The following AIM2 variants were observed in gnomAD, a reference collection of about 807,000 sequenced individuals.
AIM2 encodes interferon-inducible protein AIM2.
A neutral mutation model predicts 27.7 loss-of-function variants in AIM2; 30 were observed. The ratio of observed to expected loss-of-function variants is 1.08; its 90% CI spans 0.81 to 1.47. AIM2 has a LOEUF of 1.47. AIM2 is among the 40% of genes most tolerant of loss of function. The pLI is 0.00. For synonymous variants in AIM2, 141 were observed against 145.3 expected (o/e 0.97, Z 0.21); for missense variants, 358 against 411.3 (o/e 0.87, Z 1.12).
At position 159,063,553 on chromosome 1, in the gene AIM2, G is replaced by A; in HGVS notation, c.938C>T (p.Thr313Ile). Residue 313 changes from threonine (T) to isoleucine (I), a missense_variant, in exon 5 of 6, where the codon ACA (threonine) becomes ATA (isoleucine). Transcript: ENST00000368130. ...TCCATTTTTTGACAGTGTGAAGAAT[G>A]TAAGTCGAACCTTATCTCCTTCCTT... ...KCKEGDKVRL[T>I]FFTLSKNGEK... The A allele has an allele frequency of 1.2e-6, 2 of 1,614,102 alleles. No individual in the cohort carries two copies. The highest frequency in any genetic ancestry group is 1.7e-6 in the Non-Finnish European group (2 of 1,179,986).
intron 1 of AIM2, among the ~76,000 whole-genome samples, chr1:159,116,060 C>T (rs1647339045): frequency 6.6e-6 from 1 of 152,122 alleles, no homozygotes; most frequent in African/African-American, 2.4e-5. Flanking sequence ...GACATTTATG[C>T]AGCCAAAAGA....
intron 1 of AIM2, among the ~76,000 whole-genome samples, chr1:159,106,224 G>A (rs550753547): frequency 2.6e-4 from 40 of 152,234 alleles, no homozygotes; most frequent in African/African-American, 8.7e-4. Context: ...AGGGAGTGCC[G>A]GTCTCCCACT....
intron 1 of AIM2, among the ~76,000 whole-genome samples, chr1:159,099,727 C>G (rs1657272119): frequency 6.6e-6 from 1 of 152,136 alleles, no homozygotes. Context: ...TCCCATGATC[C>G]CAGCAAAAGC....
At chr1:159,132,152 A>C (rs543361538) in intron 1 of AIM2, 2 of 148,204 alleles carry the variant, frequency 1.3e-5, no homozygotes, top group Admixed American at 6.9e-5. Context: ...GTTCAAGACC[A>C]TCCTGGCCAA....
At chr1:159,090,093 A>G (rs2102007921) in intron 1 of AIM2, among the ~76,000 whole-genome samples, 1 of 152,310 alleles carries the variant, frequency 6.6e-6, no homozygotes, top group East Asian at 1.9e-4. Flanking sequence ...GCATAACTAG[A>G]GGCCATCCCA....
intron 1 of AIM2, among the ~76,000 whole-genome samples, chr1:159,139,030 G>T (rs1001919256): frequency 6.6e-6 from 1 of 152,176 alleles, no homozygotes; most frequent in Non-Finnish European, 1.5e-5. Context: ...ACACACAGAA[G>T]AATTTTTACT....
At chr1:159,057,143 G>A in the AIM2 span, among the ~76,000 whole-genome samples, 1 of 152,150 alleles carries the variant, frequency 6.6e-6, no homozygotes, top group African/African-American at 2.4e-5. Context: ...CAGCAACCTT[G>A]GCAGTCAGCA....
chr1:159,107,070 G>A (rs1277144769), intron 1 of AIM2, among the ~76,000 whole-genome samples: 1 of 152,138 alleles, frequency 6.6e-6, no homozygotes, highest in Non-Finnish European at 1.5e-5. Flanking sequence ...TCTCTAAACT[G>A]GTCTATGGTA....
chr1:159,066,127 T>C lies in AIM2; in HGVS notation c.599A>G (p.Lys200Arg). 3 of 1,614,216 alleles carry C rather than the reference T, an allele frequency of 1.9e-6. No homozygotes were observed. The highest frequency in any genetic ancestry group is 2.5e-6 in the Non-Finnish European group (3 of 1,180,016). Reference protein sequence around the residue: ...VKVFNTLLKDKFIPKRIIIIA... With the variant: ...VKVFNTLLKDRFIPKRIIIIA... ...TATAATTATTCTCTTTGGAATGAAT[T>C]TATCTTTCAGCAGTGTATTAAAAAC... The change falls in exon 4 of 6, where the codon AAA (lysine) becomes AGA (arginine). Residue 200 changes from lysine (K) to arginine (R), a missense_variant. By Grantham distance (26) the Lys-to-Arg change is conservative. Coordinates refer to ENST00000368130, the MANE Select transcript of AIM2 (RefSeq NM_004833.3).
intron 1 of AIM2, chr1:159,081,945 A>G (rs2102000118): frequency 6.6e-6 from 1 of 152,272 alleles, no homozygotes; most frequent in Non-Finnish European, 1.5e-5. Flanking sequence ...TTAAAACTGT[A>G]TTTTCTTATG....
chr1:159,077,734 C>A (rs1228079166), upstream of AIM2, among the ~76,000 whole-genome samples: 1 of 152,170 alleles, frequency 6.6e-6, no homozygotes, highest in Non-Finnish European at 1.5e-5. Flanking sequence ...TCTTCCTAAC[C>A]CAGGCTCCTA....
chr1:159,133,698 C>G (rs183651216), intron 1 of AIM2, among the ~76,000 whole-genome samples: 114 of 152,278 alleles, frequency 7.5e-4, no homozygotes, highest in African/African-American at 2.6e-3. Flanking sequence ...TTCTTATATA[C>G]TTCTTTCCCT....
In AIM2 at chr1:159,083,587, A is replaced by G. The variant is rs573996864; in HGVS notation, c.-15-17258T>C. On this transcript the variant is annotated intron_variant, in intron 1 of 2. Transcript: ENST00000368129. ...AAGTATCTTCCTATTCTAAGGATTT[A>G]TATTCTATACCATTTAGCTCTACTA... Among the ~76,000 whole-genome samples the G allele has an allele frequency of 2.6e-5, 4 of 152,344 alleles. No homozygotes were observed. The East Asian group carries it at 5.8e-4, about 22-fold the overall frequency.
intron 1 of AIM2, among the ~76,000 whole-genome samples, chr1:159,088,424 C>T (rs1006616736): frequency 6.6e-6 from 1 of 152,144 alleles, no homozygotes; most frequent in Non-Finnish European, 1.5e-5. Context: ...CAGCTTCAGT[C>T]TGGTTTTCCC....
At chr1:159,067,987 C>T (rs1656180658) in intron 3 of AIM2, among the ~76,000 whole-genome samples, 1 of 151,938 alleles carries the variant, frequency 6.6e-6, no homozygotes, top group South Asian at 2.1e-4. Flanking sequence ...GGCTTTTTTA[C>T]ATTACTTTTA....
intron 2 of AIM2, 61 bp from the exon 3 acceptor site, chr1:159,068,762 T>C (rs1191147544): frequency 6.7e-7 from 1 of 1,498,664 alleles, no homozygotes; most frequent in Non-Finnish European, 9.1e-7. Flanking sequence ...GTGCACATTT[T>C]CAAATGTCAC....
At chr1:159,065,810 A>T in intron 4 of AIM2, 100 bp downstream of exon 4, 1 of 1,264,134 alleles carries the variant, frequency 7.9e-7, no homozygotes, top group Non-Finnish European at 1.1e-6. Flanking sequence ...TATTTTGTCT[A>T]TATAGAAAGA....
intron 1 of AIM2, among the ~76,000 whole-genome samples, chr1:159,101,711 C>T (rs985772148): frequency 2.0e-5 from 3 of 152,184 alleles, no homozygotes; most frequent in Non-Finnish European, 2.9e-5. Context: ...CTGGAGCAAA[C>T]GTCACTCTTG....
chr1:159,132,194 CAAAAAAAAAA>C (rs71086905), intron 1 of AIM2: 1 of 99,460 alleles, frequency 1.0e-5, no homozygotes, highest in East Asian at 2.9e-4. Context: ...CTAGAAATAC[CAAAAAAAAAA>C]AAAAAAAAAA....
Sources: gnomAD v4.1 joint callset for allele counts (sites outside exome capture counted in the v4.1 genomes callset) on GRCh38, gnomAD v4.1.1 for gene constraint, MANE v1.5 for transcripts, NCBI Gene and HGNC (gene_info 2026-07-23, HGNC 2026-07-21) for gene names.